COG7: variants seen among roughly 807,000 people sequenced by gnomAD.
The protein encoded by COG7 is component of oligomeric golgi complex 7, also known as conserved oligomeric Golgi complex subunit 7.
Under a neutral mutation model 91.5 loss-of-function variants are expected in COG7, and 49 were observed. That is an observed-to-expected ratio of 0.54 (90% CI 0.43 to 0.68). COG7 has a LOEUF of 0.68. Ranked by LOEUF, COG7 falls within the 30% of genes least tolerant of loss-of-function variation. The pLI, the probability that COG7 is intolerant of heterozygous loss-of-function variation, is 0.00. For missense variants in COG7, 895 were observed against 961.3 expected, an observed-to-expected ratio of 0.93 and a Z score of 0.91; for synonymous variants, 365 against 388.7, an observed-to-expected ratio of 0.94 and a Z score of 0.72.
chr16:23,447,501 G>A (rs963307749), intron 1 of COG7, among the ~76,000 whole-genome samples: 11 of 151,568 alleles, frequency 7.3e-5, no homozygotes, highest in African/African-American at 1.9e-4. Context: ...ATAAGCCACC[G>A]CACCTGGCCT....
intron 12 of COG7, among the ~76,000 whole-genome samples, chr16:23,404,717 C>T (rs755455635): frequency 2.6e-5 from 4 of 152,174 alleles, no homozygotes; most frequent in East Asian, 1.9e-4. Context: ...GTCAGGAGTT[C>T]GAGGCCAGCC....
intron 14 of COG7, among the ~76,000 whole-genome samples, chr16:23,393,807 C>T (rs745967143): frequency 6.6e-5 from 10 of 151,844 alleles, no homozygotes; most frequent in Non-Finnish European, 1.3e-4. Context: ...TTTGGGAGGC[C>T]GAGGCGGATG....
In COG7 at chr16:23,452,807, AG is replaced by A. The variant is rs140548275; in HGVS notation, c.169+18del. On this transcript the variant is annotated intron_variant, in intron 1 of 16. Transcript: ENST00000307149. ...GAGAGCAGGGGAGGGTCCCGCGGCC[AG>A]GGCCCCGAGCGGCTCACCCTCCACG... 1,921 of 1,605,142 alleles carry A rather than the reference AG, an allele frequency of 1.2e-3. 42 individuals are homozygous for A. In the East Asian group the frequency reaches 0.036, roughly 30 times the overall value.
rs567307217 is a variant in COG7 at position 23,409,088 on chromosome 16, T to TGTGTGTGTGCGC, written c.1475+1206_1475+1207insGCGCACACACAC. On this transcript the variant is annotated intron_variant, in intron 11 of 16. Transcript: ENST00000307149. ...GCGTGTGTGTGTGTGTGTGTGTGTGTGCGTGCATGTGTGTGTGTGTGTGTG... is the reference window on the plus strand; with the variant it reads ...GCGTGTGTGTGTGTGTGTGTGTGTGTGTGTGTGTGCGCGCGTGCATGTGTGTGTGTGTGTGTG... 5.6e-3 allele frequency among the ~76,000 whole-genome samples: 833 copies of TGTGTGTGTGCGC among 147,892 alleles called. 3 individuals are homozygous for TGTGTGTGTGCGC. Among genetic ancestry groups the TGTGTGTGTGCGC allele is most frequent in the East Asian group, 0.013 (62 of 4,918 alleles).
intron 1 of COG7, among the ~76,000 whole-genome samples, chr16:23,451,629 C>A (rs888848158): frequency 1.3e-5 from 2 of 149,668 alleles, no homozygotes; most frequent in Admixed American, 6.8e-5. Context: ...CTGAGGCGAG[C>A]GGACTGCTTG....
chr16:23,399,926 A>G (rs1963346831), intron 13 of COG7, among the ~76,000 whole-genome samples: 1 of 152,222 alleles, frequency 6.6e-6, no homozygotes, highest in Non-Finnish European at 1.5e-5. Context: ...TTATAAAACA[A>G]CTGGAAATTT....
chr16:23,413,189 T>A, intron 10 of COG7: 1 of 403,872 alleles, frequency 2.5e-6, no homozygotes, highest in Non-Finnish European at 4.6e-6. Context: ...ATATAAAAAA[T>A]TTAAGTCATT....
At chr16:23,440,467 C>G (rs1246060573) in intron 4 of COG7, among the ~76,000 whole-genome samples, 7 of 148,412 alleles carry the variant, frequency 4.7e-5, no homozygotes, top group Non-Finnish European at 8.9e-5. Flanking sequence ...CATGACATAA[C>G]AAAAATTAAA....
At chr16:23,409,262 T>C (rs914109480) in intron 11 of COG7, among the ~76,000 whole-genome samples, 1 of 152,072 alleles carries the variant, frequency 6.6e-6, no homozygotes, top group Non-Finnish European at 1.5e-5. Context: ...AGTGACAAGA[T>C]TGACATTGGC....
intron 9 of COG7, chr16:23,416,515 C>CA: frequency 3.9e-6 from 1 of 256,880 alleles, no homozygotes; most frequent in Non-Finnish European, 7.6e-6. Context: ...CTGGAACAAT[C>CA]AGAGACAGGG....
intron 16 of COG7, chr16:23,390,260 T>G (rs950995122): frequency 6.1e-5 from 9 of 148,752 alleles, no homozygotes; most frequent in African/African-American, 2.0e-4. Context: ...TGGAGTGCAA[T>G]GCTGCGATCT....
In COG7 at chr16:23,406,235, T is replaced by G. The variant is rs200335241; in HGVS notation, c.1503A>C (p.Leu501=). 4 of 1,614,058 alleles carry G rather than the reference T, an allele frequency of 2.5e-6. No individual in the cohort carries two copies. The highest frequency in any genetic ancestry group is 2.5e-6 in the Non-Finnish European group (3 of 1,180,008). Residue 501 remains leucine, a synonymous_variant, in exon 12 of 17, where the codon CTA becomes CTC. Transcript: ENST00000307149. ...GGCTCCGGGGGCTGCAGGAATCAGA[T>G]AGATACTTCCCAGCTGTGGACAAAA... is the stretch of plus-strand genomic sequence containing the variant. The part of the protein sequence containing the change: ...NRILSTAGKY[L]SDSCSPRSLA...
chr16:23,434,223 C>T (rs1448572432), intron 5 of COG7, among the ~76,000 whole-genome samples: 2 of 152,080 alleles, frequency 1.3e-5, no homozygotes, highest in African/African-American at 4.8e-5. Flanking sequence ...TGTAGTGCAC[C>T]ATGATCGGAT....
At chr16:23,452,736 C>T (rs1964284175) in intron 1 of COG7, 90 bp downstream of exon 1, 2 of 1,521,738 alleles carry the variant, frequency 1.3e-6, no homozygotes, top group African/African-American at 2.7e-5. Flanking sequence ...ATGCGTGCCC[C>T]GCCCACCTGA....
At position 23,406,082 on chromosome 16, in the gene COG7, G is replaced by T. The variant is rs1215109741; in HGVS notation, c.1656C>A (p.Thr552=). Residue 552 remains threonine (T), a synonymous_variant, in exon 12 of 17, where the codon ACC becomes ACA. Coordinates refer to ENST00000307149, the MANE Select transcript of COG7 (RefSeq NM_153603.4). ...EYASLMEILY[T]LKEKGSSNHN... The stretch of plus-strand genomic sequence containing the variant: ...CATTCATTTGGTCTCATACCTTAAG[G>T]GTATAAAGTATTTCCATTAAACTGG... The T allele has an allele frequency of 1.2e-6, 2 of 1,613,068 alleles. No individual in the cohort carries two copies. The highest frequency in any genetic ancestry group is 2.2e-5 in the South Asian group (2 of 91,072).
intron 13 of COG7, among the ~76,000 whole-genome samples, chr16:23,402,060 A>G (rs1963386907): frequency 6.6e-6 from 1 of 152,226 alleles, no homozygotes. Flanking sequence ...CAGTCTCAAA[A>G]AAAGAGAAAA....
rs766410102 is a variant in COG7, at chr16:23,445,983, AAAAC to A, written c.170-26_170-23del. 5.0e-5 allele frequency: 81 copies of A among 1,606,130 alleles called. No individual in the cohort carries two copies. The East Asian group carries it at 7.8e-4, about 15-fold the overall frequency. On this transcript the variant is annotated intron_variant, in intron 1 of 16. Transcript: ENST00000307149. ...GTTTCTGTAGTTAAAAAAAAAAAAA[AAAAC>A]AACAACAACAGCGATAGCCACAAAA...
chr16:23,419,330 G>T (rs1445051761), intron 7 of COG7, among the ~76,000 whole-genome samples: 5 of 151,136 alleles, frequency 3.3e-5, no homozygotes, highest in Admixed American at 3.3e-4. Context: ...AGAATCACTT[G>T]AACCTGGGAG....
chr16:23,446,815 A>T (rs1009794905), intron 1 of COG7: 1 of 152,366 alleles, frequency 6.6e-6, no homozygotes, highest in Non-Finnish European at 1.5e-5. Flanking sequence ...GCAGTGGTGA[A>T]ATCACAGCTC....
Sources: gnomAD v4.1 joint callset for allele counts (sites outside exome capture counted in the v4.1 genomes callset) on GRCh38, gnomAD v4.1.1 for gene constraint, MANE v1.5 for transcripts, NCBI Gene and HGNC (gene_info 2026-07-23, HGNC 2026-07-21) for gene names.